RAI14: variants seen among roughly 807,000 people sequenced by gnomAD.
RAI14 encodes ankycorbin.
In RAI14, 45 loss-of-function variants were observed where a neutral mutation model predicts 115.4. The observed-to-expected ratio is 0.39, with a 90% CI of 0.31 to 0.50. The LOEUF (loss-of-function observed/expected upper bound fraction) is 0.50, where lower values mean the gene tolerates loss of function less well. Among genes scored for constraint, RAI14 ranks in the 20% least tolerant of loss-of-function variants. The pLI, the probability that RAI14 is intolerant of heterozygous loss-of-function variation, is 0.85. For synonymous variants in RAI14, 371 were observed against 415.4 expected, an observed-to-expected ratio of 0.89 and a Z score of 1.30; for missense variants, 939 against 1,131.2, an observed-to-expected ratio of 0.83 and a Z score of 2.44.
Position 34,706,957 on chromosome 5 carries a change from C to T in RAI14, c.36+20002C>T, listed in dbSNP as rs114058382. 9.4e-3 allele frequency among the ~76,000 whole-genome samples: 1,432 copies of T among 152,286 alleles called. 25 individuals carry two copies. The highest frequency in any genetic ancestry group is 0.032 in the African/African-American group (1,344 of 41,554). The stretch of plus-strand genomic sequence containing the variant: ...TCTTGCCCTACCCCGCATCAAATTG[C>T]AGCATATTGAGAGATGATAAATATG... On this transcript the variant is annotated intron_variant, in intron 2 of 17. Transcript: ENST00000265109.
chr5:34,774,492 A>T (rs1175013305), intron 3 of RAI14, among the ~76,000 whole-genome samples: 1 of 152,212 alleles, frequency 6.6e-6, no homozygotes, highest in Admixed American at 6.5e-5. Context: ...AAAAAAAGTG[A>T]ATCAAGTAAT....
intron 8 of RAI14, among the ~76,000 whole-genome samples, chr5:34,811,465 A>G (rs963327062): frequency 5.9e-5 from 9 of 152,190 alleles, no homozygotes; most frequent in African/African-American, 2.2e-4. Context: ...TGCTTGAGGT[A>G]AAACAAGGAT....
chr5:34,777,224 C>G (rs1174178452), intron 3 of RAI14, among the ~76,000 whole-genome samples: 1 of 152,112 alleles, frequency 6.6e-6, no homozygotes, highest in Non-Finnish European at 1.5e-5. Flanking sequence ...TCTGCACTTG[C>G]ATTATTTACA....
At chr5:34,810,007 T>C (rs1186324229) in intron 7 of RAI14, among the ~76,000 whole-genome samples, 4 of 152,220 alleles carry the variant, frequency 2.6e-5, no homozygotes, top group Non-Finnish European at 5.9e-5. Flanking sequence ...AGTGACTAGA[T>C]AGAATCTGTA....
At chr5:34,731,432 A>G (rs1170702831) in intron 2 of RAI14, among the ~76,000 whole-genome samples, 1 of 152,218 alleles carries the variant, frequency 6.6e-6, no homozygotes, top group East Asian at 1.9e-4. Flanking sequence ...ACCTCAGATG[A>G]ACTCTTCTAT....
At chr5:34,802,279 A>G (rs338272) in intron 4 of RAI14, among the ~76,000 whole-genome samples, 138,451 of 152,196 alleles carry the variant, frequency 0.91, 63,733 homozygotes, top group Non-Finnish European at 0.99. Context: ...GAGAAAGTGC[A>G]TCTACGGCCA....
intron 2 of RAI14, among the ~76,000 whole-genome samples, chr5:34,753,113 G>T (rs1561313094): frequency 6.6e-6 from 1 of 152,048 alleles, no homozygotes; most frequent in Non-Finnish European, 1.5e-5. Context: ...AGGACCAGAA[G>T]CCCAGGGTGG....
At chr5:34,684,018 T>A (rs537051547) in intron 1 of RAI14, among the ~76,000 whole-genome samples, 1 of 152,180 alleles carries the variant, frequency 6.6e-6, no homozygotes, top group Non-Finnish European at 1.5e-5. Context: ...TGAGCCACCG[T>A]GCCCGGCCGG....
chr5:34,663,691 A>G (rs1397106871), intron 1 of RAI14, among the ~76,000 whole-genome samples: 1 of 152,146 alleles, frequency 6.6e-6, no homozygotes, highest in Non-Finnish European at 1.5e-5. Context: ...TCTCTCAACT[A>G]CTCCTGCCTC....
chr5:34,678,559 T>C lies in RAI14; in HGVS notation c.-48-8313T>C, dbSNP rs145985911. 5.9e-5 allele frequency among the ~76,000 whole-genome samples: 9 copies of C among 152,262 alleles called. No homozygotes were observed. The East Asian group carries it at 1.5e-3, about 26-fold the overall frequency. On this transcript the variant is annotated intron_variant, in intron 1 of 17. Coordinates refer to ENST00000265109, the MANE Select transcript of RAI14 (RefSeq NM_015577.3). Reference sequence around the variant, plus strand: ...GGATGCAGACACACACAGAAGACCATATGAAAACACAGGGCGAAGGCGTCC... The same window carrying C: ...GGATGCAGACACACACAGAAGACCACATGAAAACACAGGGCGAAGGCGTCC...
At chr5:34,747,970 T>G (rs1436954214) in intron 2 of RAI14, among the ~76,000 whole-genome samples, 1 of 152,160 alleles carries the variant, frequency 6.6e-6, no homozygotes, top group Non-Finnish European at 1.5e-5. Flanking sequence ...CCAAGGCCTA[T>G]GGAAGAGAGC....
chr5:34,787,693 A>C (rs949384736), intron 3 of RAI14, among the ~76,000 whole-genome samples: 1 of 152,078 alleles, frequency 6.6e-6, no homozygotes, highest in Non-Finnish European at 1.5e-5. Flanking sequence ...CAGCTTTGTG[A>C]ATATACTAAA....
intron 3 of RAI14, among the ~76,000 whole-genome samples, chr5:34,777,872 G>T (rs542128481): frequency 1.9e-3 from 131 of 69,162 alleles, no homozygotes; most frequent in Middle Eastern, 8.1e-3. Flanking sequence ...TGGTGTGTGT[G>T]GGGGGGGTGT....
At chr5:34,720,678 G>A (rs1742596554) in intron 2 of RAI14, among the ~76,000 whole-genome samples, 1 of 151,856 alleles carries the variant, frequency 6.6e-6, no homozygotes, top group Non-Finnish European at 1.5e-5. Flanking sequence ...CCAAAGTGCT[G>A]GGATTACAGG....
intron 2 of RAI14, among the ~76,000 whole-genome samples, chr5:34,753,426 C>T (rs1747404280): frequency 6.6e-6 from 1 of 152,098 alleles, no homozygotes; most frequent in South Asian, 2.1e-4. Flanking sequence ...ACTCAAAGTG[C>T]TTATTGAACA....
chr5:34,828,589 G>C (rs1224862680), intron 16 of RAI14, among the ~76,000 whole-genome samples: 2 of 152,094 alleles, frequency 1.3e-5, no homozygotes, highest in Admixed American at 1.3e-4. Context: ...TGACACTGAT[G>C]GGGGGAAGGA....
chr5:34,780,330 A>G (rs1380058073), intron 3 of RAI14, among the ~76,000 whole-genome samples: 1 of 152,242 alleles, frequency 6.6e-6, no homozygotes, highest in Non-Finnish European at 1.5e-5. Flanking sequence ...CTTCATGACT[A>G]AAACACCAAA....
chr5:34,746,987 C>T (rs146658938), intron 2 of RAI14, among the ~76,000 whole-genome samples: 120 of 152,306 alleles, frequency 7.9e-4, no homozygotes, highest in African/African-American at 2.8e-3. Flanking sequence ...TCTCTTCCCA[C>T]TGCCATGTAA....
intron 2 of RAI14, among the ~76,000 whole-genome samples, chr5:34,697,778 G>A (rs1006040237): frequency 6.6e-6 from 1 of 152,122 alleles, no homozygotes; most frequent in South Asian, 2.1e-4. Flanking sequence ...ATAAAATTGT[G>A]CAATATGAGG....
Sources: allele counts gnomAD v4.1 joint callset (sites outside exome capture counted in the v4.1 genomes callset), GRCh38; gene constraint gnomAD v4.1.1; transcripts MANE v1.5; gene names NCBI Gene and HGNC (gene_info 2026-07-23, HGNC 2026-07-21).